OLFM2: variants seen among roughly 807,000 people sequenced by gnomAD.
OLFM2 encodes the protein olfactomedin 2.
Under a neutral mutation model 43.9 loss-of-function variants are expected in OLFM2, and 20 were observed. That is an observed-to-expected ratio of 0.46 (90% CI 0.32 to 0.66). OLFM2 has a LOEUF of 0.66. Among genes scored for constraint, OLFM2 ranks in the 30% least tolerant of loss-of-function variants. OLFM2 has a pLI of 0.04. For missense variants in OLFM2, 416 were observed against 643.6 expected (o/e 0.65, Z 3.83); for synonymous variants, 268 against 278.6 (o/e 0.96, Z 0.38).
intron 1 of OLFM2, among the ~76,000 whole-genome samples, chr19:9,881,468 G>A (rs141573451): frequency 6.6e-6 from 1 of 152,104 alleles, no homozygotes; most frequent in African/African-American, 2.4e-5. Flanking sequence ...GAGTATCCCA[G>A]GCTGGGCAGC....
Position 9,879,412 on chromosome 19 carries a change from G to A in OLFM2, c.64-18618C>T, listed in dbSNP as rs531242376. Among the ~76,000 whole-genome samples, 208 of 152,038 alleles carry A rather than the reference G, an allele frequency of 1.4e-3. 1 individual carries two copies. In the Middle Eastern group the frequency reaches 0.02, roughly 15 times the overall value. ...CTCCCAAAGTGCTGGGATTACAGGC[G>A]TGAGCCACCGTACCCAGCCAAGCTC... On this transcript the variant is annotated intron_variant, in intron 1 of 5. Coordinates refer to ENST00000264833, the MANE Select transcript of OLFM2 (RefSeq NM_058164.4).
In OLFM2 at chr19:9,856,881, T is replaced by C; in HGVS notation, c.613A>G (p.Ile205Val). ...CGKLTGVSNP[I>V]TVRAMGSRFG... ...CGGGACCCCATGGCCCGAACGGTGA[T>C]GGGGTTACTGACCCCGGTCAGCTTC... is the stretch of plus-strand genomic sequence containing the variant. Residue 205 changes from isoleucine to valine, a missense_variant, in exon 5 of 6, where the codon ATC (isoleucine) becomes GTC (valine). By Grantham distance (29) the Ile-to-Val change is conservative. Coordinates refer to ENST00000264833, the MANE Select transcript of OLFM2 (RefSeq NM_058164.4). This position sits in a 1 kb window ranked among gnomAD's most constrained non-coding sequence, Gnocchi z 4.0. 1 of 1,612,720 alleles carries C rather than the reference T, an allele frequency of 6.2e-7. No individual in the cohort carries two copies. Among genetic ancestry groups the C allele is most frequent in the Non-Finnish European group, 8.5e-7 (1 of 1,179,528 alleles).
intron 1 of OLFM2, among the ~76,000 whole-genome samples, chr19:9,895,459 C>T (rs1167831109): frequency 1.3e-5 from 2 of 151,938 alleles, no homozygotes; most frequent in East Asian, 1.9e-4. Flanking sequence ...CACACCACTA[C>T]ACTCCAGCCT....
chr19:9,896,367 G>A (rs184686330), intron 1 of OLFM2, among the ~76,000 whole-genome samples: 2 of 152,104 alleles, frequency 1.3e-5, no homozygotes, highest in East Asian at 3.9e-4. Flanking sequence ...CCAAAGTGCT[G>A]GGATTACAGG....
intron 1 of OLFM2, among the ~76,000 whole-genome samples, chr19:9,904,108 G>A (rs923067857): frequency 2.6e-5 from 4 of 151,326 alleles, no homozygotes; most frequent in African/African-American, 9.7e-5. Flanking sequence ...GAACCACCCT[G>A]TTAGTCTTGC....
At chr19:9,919,789 ATTTT>A (rs750249042) in intron 1 of OLFM2, among the ~76,000 whole-genome samples, 189 of 90,568 alleles carry the variant, frequency 2.1e-3, no homozygotes, top group Middle Eastern at 9.4e-3. Context: ...GACCACTGCC[ATTTT>A]TTTTTTTTTT....
In OLFM2 at chr19:9,854,495, C is replaced by G. The variant is rs772235824; in HGVS notation, c.1056G>C (p.Pro352=). ...AGNIVVSRLD[P]HTLEVMRSWD... is the part of the protein sequence containing the mutation. ...AGGACCGCATGACCTCGAGGGTGTG[C>G]GGGTCCAGCCGGCTGACCACGATGT... Residue 352 remains proline (P), a synonymous_variant, in exon 6 of 6, where the codon CCG becomes CCC. Coordinates refer to ENST00000264833, the MANE Select transcript of OLFM2 (RefSeq NM_058164.4). This position sits in a 1 kb window ranked among gnomAD's most constrained non-coding sequence, Gnocchi z 9.5. 6 of 1,613,822 alleles carry G rather than the reference C, an allele frequency of 3.7e-6. No homozygotes were observed. In the East Asian group the frequency reaches 6.7e-5, roughly 18 times the overall value.
chr19:9,915,239 C>CT (rs34756498), intron 1 of OLFM2, among the ~76,000 whole-genome samples: 12,367 of 139,530 alleles, frequency 0.089, 1,308 homozygotes, highest in East Asian at 0.33. Flanking sequence ...TTTTCTCTCT[C>CT]TTTTTTTTTT....
At chr19:9,930,958 C>T (rs1009528973) in intron 1 of OLFM2, among the ~76,000 whole-genome samples, 27 of 152,134 alleles carry the variant, frequency 1.8e-4, no homozygotes, top group African/African-American at 6.5e-4. Context: ...CACATACGCA[C>T]GCGCCCACGC....
intron 1 of OLFM2, among the ~76,000 whole-genome samples, chr19:9,935,510 A>G (rs1270246323): frequency 1.3e-5 from 2 of 152,122 alleles, no homozygotes; most frequent in African/African-American, 4.8e-5. Flanking sequence ...ACACACGTGC[A>G]TGGATGGACA....
chr19:9,936,463 G>GT lies in OLFM2; in HGVS notation c.-98_-97insA. 1.1e-6 allele frequency: 1 copy of GT among 899,244 alleles called. No individual in the cohort carries two copies. The highest frequency in any genetic ancestry group is 1.3e-6 in the Non-Finnish European group (1 of 749,384). The allele number at this position is 899,244 out of a possible 1,614,324, so 55.7% of individuals were successfully genotyped here. ...GCGCGACCCCGCCCGCCCGGCCGGG[G>GT]CGACCCTGCGCCGCCGCCTCCCCCG... On this transcript the variant is annotated 5_prime_UTR_variant, in exon 1 of 6. Transcript: ENST00000264833.
At chr19:9,903,917 G>T (rs1317697243) in intron 1 of OLFM2, among the ~76,000 whole-genome samples, 1 of 152,008 alleles carries the variant, frequency 6.6e-6, no homozygotes, top group Admixed American at 6.6e-5. Context: ...TCTACTGAAG[G>T]TTGCATTACT....
At chr19:9,920,674 T>C (rs188247645) in intron 1 of OLFM2, among the ~76,000 whole-genome samples, 2 of 150,676 alleles carry the variant, frequency 1.3e-5, no homozygotes, top group Non-Finnish European at 2.9e-5. Context: ...GGTAGGCAGA[T>C]CACTTGAGGC....
intron 1 of OLFM2, among the ~76,000 whole-genome samples, chr19:9,900,264 G>A (rs974336835): frequency 6.6e-6 from 1 of 152,124 alleles, no homozygotes; most frequent in African/African-American, 2.4e-5. Flanking sequence ...AGGAAACCTG[G>A]GAAGGGGAGG....
intron 1 of OLFM2, among the ~76,000 whole-genome samples, chr19:9,902,026 C>CTATATATA (rs146963521): frequency 0.011 from 1,690 of 150,138 alleles, 27 homozygotes; most frequent in African/African-American, 0.038. Context: ...TATATACTGA[C>CTATATATA]TATATATATA....
At chr19:9,866,497 C>T (rs1283449448) in intron 1 of OLFM2, among the ~76,000 whole-genome samples, 1 of 125,566 alleles carries the variant, frequency 8.0e-6, no homozygotes, top group Non-Finnish European at 1.6e-5. Flanking sequence ...AGCCAACCCA[C>T]TTTTTTTTTT....
At chr19:9,891,633 G>C (rs1399238948) in intron 1 of OLFM2, among the ~76,000 whole-genome samples, 1 of 150,244 alleles carries the variant, frequency 6.7e-6, no homozygotes, top group Non-Finnish European at 1.5e-5. Flanking sequence ...AAAAAAAAAA[G>C]TGCATGTTGG....
chr19:9,931,021 C>T (rs2086478984), intron 1 of OLFM2, among the ~76,000 whole-genome samples: 1 of 152,154 alleles, frequency 6.6e-6, no homozygotes, highest in Admixed American at 6.5e-5. Context: ...CGCACACAGT[C>T]CCTGCACAAA....
intron 1 of OLFM2, among the ~76,000 whole-genome samples, chr19:9,866,313 C>T (rs1427478622): frequency 1.3e-5 from 2 of 152,048 alleles, no homozygotes; most frequent in Non-Finnish European, 2.9e-5. Flanking sequence ...CTGGGTCTAG[C>T]TTGGAAACAA....
Sources: allele counts gnomAD v4.1 joint callset (sites outside exome capture counted in the v4.1 genomes callset), GRCh38; gene constraint gnomAD v4.1.1; non-coding constraint Gnocchi (gnomAD v3.1); transcripts MANE v1.5; gene names NCBI Gene and HGNC (gene_info 2026-07-23, HGNC 2026-07-21).